The following HTR4 variants were observed in gnomAD, a reference collection of about 807,000 sequenced individuals.
HTR4 encodes the protein 5-hydroxytryptamine (serotonin) receptor 4, G protein-coupled.
Under a neutral mutation model 36.8 loss-of-function variants are expected in HTR4, and 16 were observed. The ratio of observed to expected loss-of-function variants is 0.43; its 90% confidence interval spans 0.29 to 0.66. The LOEUF is 0.66. Ranked by LOEUF, HTR4 falls within the 30% of genes least tolerant of loss-of-function variation. The pLI, the probability that HTR4 is intolerant of heterozygous loss-of-function variation, is 0.13. For synonymous variants in HTR4, 189 were observed against 185.1 expected (o/e 1.02, Z -0.17); for missense variants, 438 against 490.9 (o/e 0.89, Z 1.02).
Position 148,482,399 on chromosome 5 carries a change from G to A in HTR4, c.*804C>T, listed in dbSNP as rs762384256. 1.0e-6 allele frequency: 1 copy of A among 985,600 alleles called. No homozygotes were observed. The highest frequency in any genetic ancestry group is 1.7e-5 in the African/African-American group (1 of 57,350). The allele number at this position is 985,600 out of a possible 1,614,324, so 61.1% of individuals were successfully genotyped here. A position where few individuals can be genotyped will look rare whatever the true frequency, so the allele number is the denominator to read the frequency against. On this transcript the variant is annotated 3_prime_UTR_variant, in exon 7 of 7. Transcript: ENST00000377888. ...CCGTTCTAGCCCAGCAGGAGAGCGA[G>A]CATCTCAGGGCAGACACGCCAGCGG...
At chr5:148,601,490 G>A (rs1761994218) in intron 2 of HTR4, among the ~76,000 whole-genome samples, 1 of 152,128 alleles carries the variant, frequency 6.6e-6, no homozygotes, top group Non-Finnish European at 1.5e-5. Context: ...AATATATGCA[G>A]TGGAATAACA....
downstream of HTR4, among the ~76,000 whole-genome samples, chr5:148,476,203 T>G (rs1270009558): frequency 2.0e-5 from 3 of 152,208 alleles, no homozygotes; most frequent in East Asian, 5.8e-4. Context: ...TCATGCTTCA[T>G]TTGCTCTATG....
chr5:148,583,869 G>A (rs1442324283), intron 2 of HTR4, among the ~76,000 whole-genome samples: 1 of 152,008 alleles, frequency 6.6e-6, no homozygotes, highest in Non-Finnish European at 1.5e-5. Context: ...TCTAGTCCTG[G>A]AACTGACAAC....
intron 5 of HTR4, among the ~76,000 whole-genome samples, chr5:148,471,166 T>C (rs1755557905): frequency 3.9e-5 from 6 of 152,184 alleles, no homozygotes; most frequent in Admixed American, 3.9e-4. Context: ...AAATGTAGGA[T>C]ATTATTACTG....
intron 6 of HTR4, among the ~76,000 whole-genome samples, chr5:148,485,711 T>C (rs1305556713): frequency 6.6e-6 from 1 of 151,978 alleles, no homozygotes; most frequent in Non-Finnish European, 1.5e-5. Flanking sequence ...AAAAATCCTG[T>C]GAAGGTAGGA....
rs1007029228 is a variant in HTR4, at chr5:148,552,391, A to G, written c.27-2129T>C. On this transcript the variant is annotated intron_variant, in intron 2 of 6. Coordinates refer to ENST00000377888, the MANE Select transcript of HTR4 (RefSeq NM_000870.7). ...GGAAAACTGTACACTTAGAAAAAAG[A>G]CCTTAATAGGCTGATGTGGCCACCA... 4.6e-5 allele frequency among the ~76,000 whole-genome samples: 7 copies of G among 152,346 alleles called. No homozygotes were observed. In the East Asian group the frequency reaches 1.3e-3, roughly 29 times the overall value.
In HTR4 at chr5:148,654,477, C is replaced by A. The variant is rs71582305; in HGVS notation, c.-463G>T. ...AGAGGCGGGCTGGAGCGATCTCACC[C>A]GTTCCGGGCTGGCCAGCACGCGCCC... On this transcript the variant is annotated 5_prime_UTR_variant, in exon 1 of 7. Coordinates refer to ENST00000377888, the MANE Select transcript of HTR4 (RefSeq NM_000870.7). The A allele has an allele frequency of 1.0e-6, 1 of 985,270 alleles. No homozygotes were observed. Among genetic ancestry groups the A allele is most frequent in the Non-Finnish European group, 1.2e-6 (1 of 829,938 alleles). 61.0% of individuals were successfully genotyped at this position (985,270 alleles called of 1,614,324 possible).
Position 148,548,806 on chromosome 5 carries a change from A to G in HTR4, c.215T>C (p.Leu72Pro). ...LAFADLLVSV[L>P]VMPFGAIELV... The stretch of plus-strand genomic sequence containing the variant: ...CTCAATGGCACCAAAGGGCATCACC[A>G]GCACCGAAACCAGCAGATCCGCAAA... Residue 72 changes from leucine to proline, a missense_variant, in exon 4 of 7, where the codon CTG (leucine) becomes CCG (proline). Coordinates refer to ENST00000377888, the MANE Select transcript of HTR4 (RefSeq NM_000870.7). The G allele has an allele frequency of 1.2e-6, 2 of 1,614,204 alleles. No homozygotes were observed. The highest frequency in any genetic ancestry group is 1.7e-6 in the Non-Finnish European group (2 of 1,180,036).
chr5:148,544,610 C>G (rs1292512828), intron 4 of HTR4, among the ~76,000 whole-genome samples: 1 of 152,132 alleles, frequency 6.6e-6, no homozygotes, highest in Non-Finnish European at 1.5e-5. Context: ...CAACTGTACT[C>G]TAAAGCTTTT....
In HTR4 at chr5:148,548,738, C is replaced by T. The variant is rs200015661; in HGVS notation, c.283G>A (p.Val95Ile). 1.2e-6 allele frequency: 2 copies of T among 1,613,296 alleles called. No individual in the cohort carries two copies. The highest frequency in any genetic ancestry group is 1.3e-5 in the African/African-American group (1 of 74,874). Residue 95 changes from valine to isoleucine, a missense_variant, in exon 4 of 7, where the codon GTT becomes ATT. Val to Ile is a conservative substitution (Grantham distance 29). Transcript: ENST00000377888. ...IWIYGEVFCL[V>I]RTSLDVLLTT... is the part of the protein sequence containing the mutation. ...AGCAGGACGTCCAGAGATGTCCGAA[C>T]AAGACAAAACACCTCCCCATAAATC...
intron 6 of HTR4, among the ~76,000 whole-genome samples, chr5:148,502,064 A>C (rs1218063642): frequency 6.7e-6 from 1 of 150,058 alleles, no homozygotes; most frequent in African/African-American, 2.4e-5. Flanking sequence ...TGTCTCAAAA[A>C]GAAAAAAAAA....
chr5:148,492,498 T>C (rs1214015596), intron 6 of HTR4, among the ~76,000 whole-genome samples: 2 of 152,198 alleles, frequency 1.3e-5, no homozygotes, highest in African/African-American at 2.4e-5. Context: ...AACATGGAGA[T>C]TTCTATTGAC....
Position 148,585,474 on chromosome 5 carries a change from T to C in HTR4, c.27-35212A>G, listed in dbSNP as rs2127251997. On this transcript the variant is annotated intron_variant, in intron 2 of 6. Coordinates refer to ENST00000377888, the MANE Select transcript of HTR4 (RefSeq NM_000870.7). ...ATAAATATTTGCTGAGTGCCAAATA[T>C]ATGTTCAGAACCATGCTAGTCACTG... 2.0e-5 allele frequency among the ~76,000 whole-genome samples: 3 copies of C among 152,336 alleles called. No individual in the cohort carries two copies. In the Middle Eastern group the frequency reaches 0.01, roughly 518 times the overall value.
At chr5:148,585,719 G>C (rs752868468) in intron 2 of HTR4, among the ~76,000 whole-genome samples, 1 of 152,056 alleles carries the variant, frequency 6.6e-6, no homozygotes, top group Non-Finnish European at 1.5e-5. Flanking sequence ...CTATTGGGTT[G>C]GTCTTTTGTC....
downstream of HTR4, among the ~76,000 whole-genome samples, chr5:148,471,768 A>C (rs1755573216): frequency 6.6e-6 from 1 of 152,216 alleles, no homozygotes; most frequent in African/African-American, 2.4e-5. Context: ...TCAGGGAATA[A>C]ATGAACTTCT....
chr5:148,499,749 G>A (rs1317882186), intron 6 of HTR4, among the ~76,000 whole-genome samples: 2 of 152,240 alleles, frequency 1.3e-5, no homozygotes, highest in Non-Finnish European at 2.9e-5. Context: ...CTAGTGTGAG[G>A]TGTCTGGGTT....
At position 148,639,410 on chromosome 5, in the gene HTR4, C is replaced by T. The variant is rs190095902; in HGVS notation, c.-47-2349G>A. 5.7e-4 allele frequency among the ~76,000 whole-genome samples: 86 copies of T among 152,048 alleles called. No homozygotes were observed. In the East Asian group the frequency reaches 0.015, roughly 26 times the overall value. On this transcript the variant is annotated intron_variant, in intron 1 of 6. Coordinates refer to ENST00000377888, the MANE Select transcript of HTR4 (RefSeq NM_000870.7). ...CACTGGTTTTGCTGCTTTCCTGGGC[C>T]GTAACCGTAGGTTCCCATCTCAGGG...
chr5:148,468,896 A>C (rs944708456), intron 5 of HTR4, among the ~76,000 whole-genome samples: 1 of 152,086 alleles, frequency 6.6e-6, no homozygotes, highest in African/African-American at 2.4e-5. Flanking sequence ...TAGTTTTATA[A>C]GAGACTTTTT....
chr5:148,489,056 G>A lies in HTR4; in HGVS notation c.1077-5763C>T, dbSNP rs546995270. ...GGATTGAAACTCTGAATCTTTGGGA[G>A]TCAGACTATCTACCTGCTTTTTCTA... On this transcript the variant is annotated intron_variant, in intron 6 of 6. Coordinates refer to ENST00000377888, the MANE Select transcript of HTR4 (RefSeq NM_000870.7). Among the ~76,000 whole-genome samples the A allele has an allele frequency of 4.0e-4, 61 of 152,292 alleles. 1 individual carries two copies. Among genetic ancestry groups the A allele is most frequent in the African/African-American group, 1.4e-3 (59 of 41,554 alleles).
Sources: allele counts gnomAD v4.1 joint callset (sites outside exome capture counted in the v4.1 genomes callset), GRCh38; gene constraint gnomAD v4.1.1; transcripts MANE v1.5; gene names NCBI Gene and HGNC (gene_info 2026-07-23, HGNC 2026-07-21).